The following DLC1 variants were observed in gnomAD, a reference collection of about 807,000 sequenced individuals.
DLC1 encodes the protein rho GTPase-activating protein 7.
In DLC1, 54 loss-of-function variants were observed where a neutral mutation model predicts 140.3. The observed-to-expected ratio is 0.38, with a 90% CI of 0.31 to 0.48. The LOEUF is 0.48. DLC1 is among the 20% of genes least tolerant of loss of function. The probability of loss-of-function intolerance (pLI) is 0.96; values close to 1 mark genes in which losing one functional copy is unlikely to be tolerated. For synonymous variants in DLC1, 986 were observed against 728.1 expected (o/e 1.35, Z -5.70); for missense variants, 2,536 against 1,907.0 (o/e 1.33, Z -6.14).
chr8:13,224,352 G>C (rs1828691471), intron 5 of DLC1, among the ~76,000 whole-genome samples: 1 of 152,160 alleles, frequency 6.6e-6, no homozygotes, highest in Non-Finnish European at 1.5e-5. Flanking sequence ...AGTCCGGTTG[G>C]TCAGAAGAAC....
At chr8:13,315,413 C>G (rs1254036335) in intron 4 of DLC1, among the ~76,000 whole-genome samples, 2 of 152,228 alleles carry the variant, frequency 1.3e-5, no homozygotes, top group African/African-American at 2.4e-5. Context: ...ACATTCTGCT[C>G]TTTGAGGACA....
chr8:13,098,188 G>T (rs1016281779), intron 10 of DLC1, among the ~76,000 whole-genome samples: 71 of 152,106 alleles, frequency 4.7e-4, no homozygotes, highest in African/African-American at 1.7e-3. Flanking sequence ...TCGCACCACT[G>T]CACCGCACTC....
chr8:13,582,330 C>T (rs1004628059), intron 1 of DLC1, among the ~76,000 whole-genome samples: 1 of 152,184 alleles, frequency 6.6e-6, no homozygotes, highest in Non-Finnish European at 1.5e-5. Context: ...TAAATGTCAA[C>T]TTGATTGGAT....
intron 2 of DLC1, among the ~76,000 whole-genome samples, chr8:13,489,353 A>G (rs918289559): frequency 8.9e-5 from 10 of 112,154 alleles, no homozygotes; most frequent in Non-Finnish European, 1.8e-4. Flanking sequence ...CGGCCCCGAG[A>G]TTTTTCTAAG....
upstream of DLC1, among the ~76,000 whole-genome samples, chr8:13,518,400 T>C (rs1013434904): frequency 2.6e-5 from 4 of 152,160 alleles, no homozygotes; most frequent in African/African-American, 9.7e-5. Flanking sequence ...TGAGCCACTG[T>C]GCCTGGCCTA....
intron 2 of DLC1, among the ~76,000 whole-genome samples, chr8:13,423,092 A>C (rs1418041255): frequency 1.3e-5 from 2 of 152,166 alleles, no homozygotes; most frequent in African/African-American, 4.8e-5. Context: ...AGTGAAAGGC[A>C]CAACTAAACA....
intron 2 of DLC1, among the ~76,000 whole-genome samples, chr8:13,484,899 G>T (rs1025468430): frequency 5.9e-5 from 9 of 151,906 alleles, no homozygotes; most frequent in African/African-American, 1.9e-4. Context: ...GGGACTCACA[G>T]TGGTTGGACC....
chr8:13,358,127 A>G (rs1370535988), intron 4 of DLC1, among the ~76,000 whole-genome samples: 1 of 152,214 alleles, frequency 6.6e-6, no homozygotes, highest in Non-Finnish European at 1.5e-5. Flanking sequence ...TTTATAACAA[A>G]TATTTTCCTA....
At chr8:13,265,713 C>T (rs2117353926) in intron 5 of DLC1, among the ~76,000 whole-genome samples, 2 of 151,570 alleles carry the variant, frequency 1.3e-5, no homozygotes, top group Admixed American at 1.3e-4. Flanking sequence ...CTCTCCTCTT[C>T]TCTCCCCTCT....
Position 13,188,801 on chromosome 8 carries a change from G to GTATA in DLC1, c.1349-73148_1349-73145dup, listed in dbSNP as rs1237501850. Among the ~76,000 whole-genome samples, 116 of 71,884 alleles carry GTATA rather than the reference G, an allele frequency of 1.6e-3. 1 individual carries two copies. The highest frequency in any genetic ancestry group is 6.3e-3 in the African/African-American group (95 of 15,080). 47.2% of individuals were successfully genotyped at this position (71,884 alleles called of 152,430 possible). On this transcript the variant is annotated intron_variant, in intron 5 of 17. Coordinates refer to ENST00000276297, the MANE Select transcript of DLC1 (RefSeq NM_182643.3). ...AATGTGTGTGTGTGTGTGTGTGTGT[G>GTATA]TATATATATATATATATATATATAT...
At chr8:13,560,676 G>C (rs6989897) in intron 1 of DLC1, among the ~76,000 whole-genome samples, 25,532 of 152,094 alleles carry the variant, frequency 0.17, 2,425 homozygotes, top group East Asian at 0.29. Flanking sequence ...TGAGAATGTG[G>C]CCTTATTTGG....
At chr8:13,257,912 G>C (rs1420908061) in intron 5 of DLC1, among the ~76,000 whole-genome samples, 1 of 152,152 alleles carries the variant, frequency 6.6e-6, no homozygotes, top group African/African-American at 2.4e-5. Flanking sequence ...TGAAAAAGCT[G>C]TTTTCTAGCT....
intron 1 of DLC1, among the ~76,000 whole-genome samples, chr8:13,577,321 T>A (rs1292244221): frequency 1.3e-5 from 2 of 152,308 alleles, no homozygotes; most frequent in East Asian, 1.9e-4. Context: ...AAGGACTCCA[T>A]CTAATTACAG....
At chr8:13,410,088 G>GA (rs980707206) in intron 2 of DLC1, among the ~76,000 whole-genome samples, 1 of 151,622 alleles carries the variant, frequency 6.6e-6, no homozygotes, top group Non-Finnish European at 1.5e-5. Context: ...ACAGATTTAA[G>GA]AAAAAAATAC....
At chr8:13,360,569 T>C (rs1257983216) in intron 4 of DLC1, among the ~76,000 whole-genome samples, 1 of 152,212 alleles carries the variant, frequency 6.6e-6, no homozygotes, top group Non-Finnish European at 1.5e-5. Flanking sequence ...GGCATTGGGA[T>C]TGTTATAAAT....
At chr8:13,395,865 C>G (rs1384986731) in intron 3 of DLC1, among the ~76,000 whole-genome samples, 2 of 148,460 alleles carry the variant, frequency 1.3e-5, no homozygotes, top group African/African-American at 4.9e-5. Context: ...TGTTTTTTTG[C>G]ATAGAAAAGA....
chr8:13,355,507 C>T (rs73203975), intron 4 of DLC1, among the ~76,000 whole-genome samples: 8,949 of 152,188 alleles, frequency 0.059, 345 homozygotes, highest in South Asian at 0.098. Context: ...TGAGGGTTCT[C>T]CTCCTGGCTT....
At chr8:13,514,057 T>C (rs892542729) in intron 1 of DLC1, among the ~76,000 whole-genome samples, 1 of 152,112 alleles carries the variant, frequency 6.6e-6, no homozygotes. Context: ...TAAATGAACC[T>C]TTTAAGCTGT....
intron 1 of DLC1, among the ~76,000 whole-genome samples, chr8:13,526,428 A>G (rs996075548): frequency 9.2e-5 from 14 of 152,194 alleles, no homozygotes; most frequent in African/African-American, 3.4e-4. Flanking sequence ...TGAGTCTTCT[A>G]TTCCATGAGC....
Sources: allele counts gnomAD v4.1 joint callset (sites outside exome capture counted in the v4.1 genomes callset), GRCh38; gene constraint gnomAD v4.1.1; transcripts MANE v1.5; gene names NCBI Gene and HGNC (gene_info 2026-07-23, HGNC 2026-07-21).